The following DYNC2I1 variants were observed in gnomAD, a reference collection of about 807,000 sequenced individuals.
The protein encoded by DYNC2I1 is dynein 2 intermediate chain 1, also known as cytoplasmic dynein 2 intermediate chain 1.
Under a neutral mutation model 133.4 loss-of-function variants are expected in DYNC2I1, and 89 were observed. The observed-to-expected ratio is 0.67, with a 90% CI of 0.56 to 0.80. The LOEUF is 0.80. DYNC2I1 is among the 30% of genes least tolerant of loss of function. The pLI, the probability that DYNC2I1 is intolerant of heterozygous loss-of-function variation, is 0.00. For synonymous variants in DYNC2I1, 504 were observed against 484.3 expected, an observed-to-expected ratio of 1.04 and a Z score of -0.54; for missense variants, 1,291 against 1,314.5, an observed-to-expected ratio of 0.98 and a Z score of 0.28.
downstream of DYNC2I1, among the ~76,000 whole-genome samples, chr7:158,948,627 G>A (rs1041136156): frequency 2.0e-5 from 3 of 152,144 alleles, no homozygotes; most frequent in African/African-American, 7.2e-5. Context: ...TGTCTGCAGG[G>A]CAGAGTCATA....
At chr7:158,872,593 C>G (rs1406157234) in intron 3 of DYNC2I1, among the ~76,000 whole-genome samples, 1 of 151,984 alleles carries the variant, frequency 6.6e-6, no homozygotes, top group East Asian at 1.9e-4. Flanking sequence ...TGAGATTGTG[C>G]CACTGTACTC....
rs1263716118 is a variant in DYNC2I1 at position 158,909,303 on chromosome 7, C to T, written c.1461-2247C>T. On this transcript the variant is annotated intron_variant, in intron 11 of 24. Coordinates refer to ENST00000407559, the MANE Select transcript of DYNC2I1 (RefSeq NM_018051.5). Reference sequence around the variant, plus strand: ...CTGAGATCGCACCACTGCACTACAGCCTGGGCGACAGAGCAAGACTCTGTC... The same window carrying T: ...CTGAGATCGCACCACTGCACTACAGTCTGGGCGACAGAGCAAGACTCTGTC... Among the ~76,000 whole-genome samples the T allele has an allele frequency of 1.5e-4, 21 of 139,470 alleles. 2 individuals carry two copies. The Admixed American group carries it at 1.6e-3, about 11-fold the overall frequency. The allele number at this position is 139,470 out of a possible 152,430, so 91.5% of individuals were successfully genotyped here.
chr7:158,941,036 GA>G (rs1361084453), intron 23 of DYNC2I1, among the ~76,000 whole-genome samples: 4 of 152,086 alleles, frequency 2.6e-5, no homozygotes, highest in Non-Finnish European at 4.4e-5. Flanking sequence ...TCAATGAAAT[GA>G]AAGGTTAGGT....
intron 8 of DYNC2I1, among the ~76,000 whole-genome samples, chr7:158,892,603 G>C (rs2129482531): frequency 6.7e-6 from 1 of 148,284 alleles, no homozygotes; most frequent in East Asian, 2.2e-4. Flanking sequence ...CACTACTCCT[G>C]GCTAAGACTT....
At chr7:158,923,970 A>G (rs1849361806) in intron 17 of DYNC2I1, among the ~76,000 whole-genome samples, 1 of 152,252 alleles carries the variant, frequency 6.6e-6, no homozygotes, top group Admixed American at 6.5e-5. Flanking sequence ...TGGATTCTAA[A>G]AAATCCTCAA....
upstream of DYNC2I1, chr7:158,856,448 A>T (rs1017318613): frequency 3.5e-5 from 13 of 366,478 alleles, no homozygotes; most frequent in African/African-American, 2.7e-4. Context: ...GGAGCCGGGG[A>T]AGCGCAGGCG....
chr7:158,860,955 A>T (rs1275231791), intron 1 of DYNC2I1, among the ~76,000 whole-genome samples: 1 of 152,186 alleles, frequency 6.6e-6, no homozygotes, highest in African/African-American at 2.4e-5. Flanking sequence ...TCCTCCAGAG[A>T]ACTGCAGAAA....
At chr7:158,923,525 T>C (rs1488402526) in intron 16 of DYNC2I1, 46 bp from the exon 17 acceptor site, 1 of 1,613,740 alleles carries the variant, frequency 6.2e-7, no homozygotes, top group Non-Finnish European at 8.5e-7. Flanking sequence ...GTTAGCATGC[T>C]TCTCATATTC....
the DYNC2I1 span, among the ~76,000 whole-genome samples, chr7:158,845,893 A>C: frequency 6.6e-6 from 1 of 152,226 alleles, no homozygotes; most frequent in Non-Finnish European, 1.5e-5. Context: ...TTATAGAAAA[A>C]CATTTAAAAA....
At chr7:158,843,527 T>C in the DYNC2I1 span, among the ~76,000 whole-genome samples, 4 of 152,148 alleles carry the variant, frequency 2.6e-5, no homozygotes, top group African/African-American at 9.7e-5. Flanking sequence ...CCTGAAGTGC[T>C]AGGATTACAG....
intron 3 of DYNC2I1, 106 bp from the exon 4 acceptor site, chr7:158,876,503 T>G: frequency 7.3e-7 from 1 of 1,362,560 alleles, no homozygotes. Flanking sequence ...TTCAAATACA[T>G]ATTAACGAAT....
At position 158,934,458 on chromosome 7, in the gene DYNC2I1, C is replaced by T; in HGVS notation, c.2687C>T (p.Ala896Val). ...SHGTRQDLRV[A>V]PKLFKPQQHG... Reference sequence around the variant, plus strand: ...GGCACAAGACAAGATTTGAGAGTGGCTCCCAAACTATTCAAACCTCAGCAA... The same window carrying T: ...GGCACAAGACAAGATTTGAGAGTGGTTCCCAAACTATTCAAACCTCAGCAA... The change falls in exon 23 of 25, where the codon GCT becomes GTT. Residue 896 changes from alanine (A) to valine (V), a missense_variant. Ala to Val is a moderately conservative substitution (Grantham distance 64). Transcript: ENST00000407559. The T allele has an allele frequency of 1.3e-6, 2 of 1,595,760 alleles. No individual in the cohort carries two copies. Among genetic ancestry groups the T allele is most frequent in the Non-Finnish European group, 1.7e-6 (2 of 1,170,638 alleles).
chr7:158,870,552 G>A (rs1046861658), intron 2 of DYNC2I1, among the ~76,000 whole-genome samples: 4 of 132,466 alleles, frequency 3.0e-5, no homozygotes, highest in African/African-American at 8.7e-5. Flanking sequence ...AATTTTTTGC[G>A]GGAGAGATGG....
intron 7 of DYNC2I1, among the ~76,000 whole-genome samples, chr7:158,888,071 C>G (rs1844790093): frequency 7.2e-6 from 1 of 139,726 alleles, no homozygotes; most frequent in African/African-American, 2.8e-5. Flanking sequence ...GTTGCCCAGG[C>G]TGGAGTGCAG....
chr7:158,949,266 A>C (rs1180639333), downstream of DYNC2I1, among the ~76,000 whole-genome samples: 1 of 152,262 alleles, frequency 6.6e-6, no homozygotes, highest in Non-Finnish European at 1.5e-5. Context: ...ACATAGTCAC[A>C]CACAGTCCTG....
intron 14 of DYNC2I1, among the ~76,000 whole-genome samples, chr7:158,915,428 C>G (rs796216382): frequency 7.1e-6 from 1 of 140,560 alleles, no homozygotes; most frequent in Non-Finnish European, 1.6e-5. Context: ...AACGTCGACA[C>G]GCTGGTTGAG....
chr7:158,859,229 A>G (rs1235601741), intron 1 of DYNC2I1, among the ~76,000 whole-genome samples: 1 of 151,714 alleles, frequency 6.6e-6, no homozygotes, highest in Admixed American at 6.6e-5. Context: ...TATCCTTATT[A>G]TACTGATAGA....
At chr7:158,927,394 C>A (rs1046117016) in intron 20 of DYNC2I1, among the ~76,000 whole-genome samples, 1 of 131,936 alleles carries the variant, frequency 7.6e-6, no homozygotes. Flanking sequence ...TGGAATGAGA[C>A]CTTGTCTCTC....
chr7:158,881,281 C>CAAA (rs1843980921), intron 5 of DYNC2I1, among the ~76,000 whole-genome samples: 1 of 152,106 alleles, frequency 6.6e-6, no homozygotes, highest in African/African-American at 2.4e-5. Context: ...TGCATCAGGG[C>CAAA]GTTGGCCGTG....
Sources: allele counts gnomAD v4.1 joint callset (sites outside exome capture counted in the v4.1 genomes callset), GRCh38; gene constraint gnomAD v4.1.1; transcripts MANE v1.5; gene names NCBI Gene and HGNC (gene_info 2026-07-23, HGNC 2026-07-21).